USP7: variants seen among roughly 807,000 people sequenced by gnomAD.
The protein encoded by USP7 is ubiquitin specific peptidase 7.
In USP7, 9 loss-of-function variants were observed where a neutral mutation model predicts 162.9. That is an observed-to-expected ratio of 0.06 (90% CI 0.03 to 0.10). The LOEUF (loss-of-function observed/expected upper bound fraction) is 0.10. Ranked by LOEUF, USP7 falls within the 10% of genes least tolerant of loss-of-function variation. The pLI is 1.00. For missense variants in USP7, 715 were observed against 1,373.7 expected, an observed-to-expected ratio of 0.52 and a Z score of 7.58; for synonymous variants, 562 against 475.9, an observed-to-expected ratio of 1.18 and a Z score of -2.35.
intron 5 of USP7, 99 bp from the exon 6 acceptor site, chr16:8,919,238 C>T (rs778090894): frequency 3.7e-5 from 44 of 1,174,322 alleles, no homozygotes; most frequent in Non-Finnish European, 4.9e-5. Context: ...TTAAGGAAAC[C>T]GAGGCCAGGA....
rs1027155356 is a variant in USP7 at position 8,963,877 on chromosome 16, G to C, written c.-592C>G. ...GGCGCCCGGCAGCTCGGCTCGGCTCGCTCTCAAAATGGCGGCGGCGTGAAA... is the reference window on the plus strand; with the variant it reads ...GGCGCCCGGCAGCTCGGCTCGGCTCCCTCTCAAAATGGCGGCGGCGTGAAA... On this transcript the variant is annotated 5_prime_UTR_variant, in exon 1 of 31. Transcript: ENST00000344836. Among the ~76,000 whole-genome samples the C allele has an allele frequency of 1.4e-5, 2 of 146,726 alleles. No individual in the cohort carries two copies. Among genetic ancestry groups the C allele is most frequent in the African/African-American group, 4.9e-5 (2 of 40,898 alleles).
chr16:8,913,246 C>G (rs1007422997), intron 10 of USP7, among the ~76,000 whole-genome samples: 4 of 152,198 alleles, frequency 2.6e-5, no homozygotes, highest in African/African-American at 9.7e-5. Context: ...ATCCCAGCTA[C>G]TTGTGAGCCT....
chr16:8,950,067 G>T (rs1374106236), intron 1 of USP7, among the ~76,000 whole-genome samples: 1 of 152,202 alleles, frequency 6.6e-6, no homozygotes, highest in African/African-American at 2.4e-5. Context: ...TTGTGACAGA[G>T]GAATTGGTAT....
At chr16:8,928,827 G>A (rs1898160648) in intron 2 of USP7, among the ~76,000 whole-genome samples, 2 of 152,232 alleles carry the variant, frequency 1.3e-5, no homozygotes, top group South Asian at 4.1e-4. Flanking sequence ...TACCTCAAAA[G>A]GAAGGGGACT....
At chr16:8,958,826 A>G (rs1383693071) in intron 1 of USP7, among the ~76,000 whole-genome samples, 1 of 152,228 alleles carries the variant, frequency 6.6e-6, no homozygotes, top group African/African-American at 2.4e-5. Flanking sequence ...TTCTCAAAAT[A>G]TTACACTTTT....
chr16:8,962,323 C>A (rs1485920777), intron 1 of USP7, among the ~76,000 whole-genome samples: 2 of 152,168 alleles, frequency 1.3e-5, no homozygotes, highest in Admixed American at 1.3e-4. Context: ...TGAAATGGGT[C>A]GTGAGAAAAA....
chr16:8,951,935 G>T lies in USP7; in HGVS notation c.79+11272C>A, dbSNP rs146242113. 2.6e-3 allele frequency among the ~76,000 whole-genome samples: 403 copies of T among 152,350 alleles called. 1 individual carries two copies. Among genetic ancestry groups the T allele is most frequent in the African/African-American group, 8.9e-3 (371 of 41,584 alleles). On this transcript the variant is annotated intron_variant, in intron 1 of 30. Coordinates refer to ENST00000344836, the MANE Select transcript of USP7 (RefSeq NM_003470.3). Reference sequence around the variant, plus strand: ...TCAGTGGCCCTGGACTATTCAGGCAGTGGGCTACTTTCTATATTCAAAGCA... The same window carrying T: ...TCAGTGGCCCTGGACTATTCAGGCATTGGGCTACTTTCTATATTCAAAGCA...
chr16:8,895,288 C>A, intron 27 of USP7, 138 bp from the exon 28 acceptor site: 1 of 1,342,264 alleles, frequency 7.5e-7, no homozygotes, highest in Non-Finnish European at 1.0e-6. Flanking sequence ...TGGATCCAGC[C>A]AGAGTGATGG....
chr16:8,907,512 A>G (rs939094196), intron 12 of USP7, among the ~76,000 whole-genome samples: 10 of 152,240 alleles, frequency 6.6e-5, no homozygotes, highest in Admixed American at 1.3e-4. Flanking sequence ...TCTAAATCAG[A>G]TAAGGTAGTG....
intron 18 of USP7, 130 bp from the exon 19 acceptor site, chr16:8,901,364 A>G (rs959194352): frequency 1.5e-6 from 1 of 667,472 alleles, no homozygotes; most frequent in East Asian, 2.7e-5. Flanking sequence ...GACAAGTGAA[A>G]TGACAGCTTA....
intron 21 of USP7, among the ~76,000 whole-genome samples, chr16:8,900,304 T>C (rs922488503): frequency 6.6e-6 from 1 of 152,210 alleles, no homozygotes; most frequent in Non-Finnish European, 1.5e-5. Flanking sequence ...CCACGTGCAC[T>C]TGAGACATTT....
intron 14 of USP7, 123 bp from the exon 15 acceptor site, chr16:8,904,688 A>G (rs2061831031): frequency 7.1e-7 from 1 of 1,413,782 alleles, no homozygotes; most frequent in East Asian, 2.5e-5. Flanking sequence ...TACGCCTGTA[A>G]TCCCAGCACT....
At chr16:8,935,269 C>T (rs1018576855) in intron 1 of USP7, among the ~76,000 whole-genome samples, 1 of 149,340 alleles carries the variant, frequency 6.7e-6, no homozygotes, top group African/African-American at 2.5e-5. Context: ...AGTGTGACCT[C>T]GGCTCACTGG....
intron 10 of USP7, 135 bp from the exon 11 acceptor site, chr16:8,910,962 T>A (rs1432048193): frequency 9.7e-6 from 7 of 719,578 alleles, no homozygotes; most frequent in Non-Finnish European, 1.7e-5. Flanking sequence ...ACTCTCCCCC[T>A]GTAGCCAAGA....
chr16:8,937,519 G>C (rs1004436871), intron 1 of USP7, among the ~76,000 whole-genome samples: 2 of 152,250 alleles, frequency 1.3e-5, no homozygotes, highest in Non-Finnish European at 2.9e-5. Context: ...TCCAGCCTGG[G>C]TGACAGAGTA....
Position 8,920,438 on chromosome 16 carries a change from C to A in USP7, c.532G>T (p.Asp178Tyr). 6.2e-7 allele frequency: 1 copy of A among 1,612,054 alleles called. No homozygotes were observed. The highest frequency in any genetic ancestry group is 8.5e-7 in the Non-Finnish European group (1 of 1,179,330). The change falls in exon 5 of 31, where the codon GAT becomes TAT. Residue 178 changes from aspartate to tyrosine, a missense_variant. This residue lies in a region of USP7 where 30 missense variants were observed against 27.6 expected (regional missense o/e 1.09). Coordinates refer to ENST00000344836, the MANE Select transcript of USP7 (RefSeq NM_003470.3). ...TCATCTATAAATCCTTTCTCAGGATCGGTCACTTCCTATAAAACATAAATA... is the reference window on the plus strand; with the variant it reads ...TCATCTATAAATCCTTTCTCAGGATAGGTCACTTCCTATAAAACATAAATA... Reference protein sequence around the residue: ...SNFMAWSEVTDPEKGFIDDDK... With the variant: ...SNFMAWSEVTYPEKGFIDDDK...
chr16:8,894,187 T>A (rs2061646192), intron 30 of USP7, 83 bp from the exon 31 acceptor site: 20 of 1,253,716 alleles, frequency 1.6e-5, no homozygotes, highest in Non-Finnish European at 2.2e-5. Flanking sequence ...GAGGCATGCA[T>A]CCCTGTGGCT....
At position 8,902,093 on chromosome 16, in the gene USP7, A is replaced by C; in HGVS notation, c.2036T>G (p.Phe679Cys). ...TCGTGGGCACTTACGATCTTTATCAAACTTGGGTAAGGTCGCTCCACTAGC... is the reference window on the plus strand; with the variant it reads ...TCGTGGGCACTTACGATCTTTATCACACTTGGGTAAGGTCGCTCCACTAGC... ...LAASGATLPKFDKDHDVMLFL... is the reference protein window; with the variant it reads ...LAASGATLPKCDKDHDVMLFL... The change falls in exon 18 of 31, where the codon TTT becomes TGT. Residue 679 changes from phenylalanine (F) to cysteine (C), a missense_variant. Around this residue, in one of 11 missense-constraint regions of USP7, gnomAD observed 197 missense variants for 306.5 expected, o/e 0.64. Transcript: ENST00000344836. The C allele has an allele frequency of 6.2e-7, 1 of 1,614,154 alleles. No homozygotes were observed.
intron 1 of USP7, among the ~76,000 whole-genome samples, chr16:8,941,581 C>T (rs1232618986): frequency 6.6e-6 from 1 of 152,220 alleles, no homozygotes; most frequent in African/African-American, 2.4e-5. Flanking sequence ...ATAGCAACAT[C>T]AGAGTGTAAA....
Sources: allele counts gnomAD v4.1 joint callset (sites outside exome capture counted in the v4.1 genomes callset), GRCh38; gene constraint gnomAD v4.1.1; regional missense constraint gnomAD v4.1.1; transcripts MANE v1.5; gene names NCBI Gene and HGNC (gene_info 2026-07-23, HGNC 2026-07-21).